Variants in ITSN2 observed in about 807,000 individuals in gnomAD.
ITSN2 encodes the protein intersectin-2.
In ITSN2, 156 loss-of-function variants were observed where a neutral mutation model predicts 243.7. The observed-to-expected ratio is 0.64, with a 90% CI of 0.56 to 0.73. The LOEUF (loss-of-function observed/expected upper bound fraction) is 0.73, where lower values mean the gene tolerates loss of function less well. Ranked by LOEUF, ITSN2 falls within the 30% of genes least tolerant of loss-of-function variation. ITSN2 has a pLI of 0.00. For synonymous variants in ITSN2, 703 were observed against 699.9 expected (o/e 1.00, Z -0.07); for missense variants, 1,801 against 1,996.1 (o/e 0.90, Z 1.86).
At chr2:24,271,618 G>T in intron 19 of ITSN2, 148 bp downstream of exon 19, 1 of 1,003,958 alleles carries the variant, frequency 1.0e-6, no homozygotes, top group Non-Finnish European at 1.3e-6. Context: ...TAAGCCTACT[G>T]CTTTTTATCC....
chr2:24,266,283 A>AT (rs1393683542), intron 20 of ITSN2, among the ~76,000 whole-genome samples: 1 of 152,072 alleles, frequency 6.6e-6, no homozygotes, highest in African/African-American at 2.4e-5. Context: ...CTCCTTATTC[A>AT]TTTTTGTATG....
intron 17 of ITSN2, among the ~76,000 whole-genome samples, chr2:24,279,726 C>CTTTTTTTTTT (rs955431908): frequency 1.3e-5 from 1 of 78,300 alleles, no homozygotes; most frequent in South Asian, 4.2e-4. Flanking sequence ...TGTGAATTTT[C>CTTTTTTTTTT]TTTTTTTTTT....
chr2:24,297,038 G>GAT (rs145569762), intron 13 of ITSN2, among the ~76,000 whole-genome samples: 6,187 of 151,596 alleles, frequency 0.041, 194 homozygotes, highest in Non-Finnish European at 0.066. Context: ...TAGTCAAGAT[G>GAT]ATATATATAT....
intron 1 of ITSN2, among the ~76,000 whole-genome samples, chr2:24,338,513 T>A (rs1332120324): frequency 6.6e-6 from 1 of 152,238 alleles, no homozygotes; most frequent in Admixed American, 6.5e-5. Context: ...AATAAATCTC[T>A]TCATATATTT....
At chr2:24,330,702 C>G (rs2151853449) in intron 1 of ITSN2, 1 of 672,040 alleles carries the variant, frequency 1.5e-6, no homozygotes, top group Admixed American at 1.9e-5. Flanking sequence ...TAACTGTGTA[C>G]TTCTGGTGAC....
At chr2:24,293,656 TA>T (rs777090788) in intron 15 of ITSN2, 31 bp downstream of exon 15, 1 of 746,632 alleles carries the variant, frequency 1.3e-6, no homozygotes, top group Non-Finnish European at 2.3e-6. Context: ...CAGAAAAGGA[TA>T]AAAGTAATCA....
At chr2:24,287,799 T>C (rs1435614401) in intron 15 of ITSN2, among the ~76,000 whole-genome samples, 2 of 152,170 alleles carry the variant, frequency 1.3e-5, no homozygotes, top group African/African-American at 4.8e-5. Context: ...TGATTAATAA[T>C]GTTGAGTCCC....
chr2:24,209,083 A>G lies in ITSN2; in HGVS notation c.4595+17T>C. On this transcript the variant is annotated intron_variant, in intron 36 of 39. Transcript: ENST00000355123. Reference sequence around the variant, plus strand: ...TCTCCCAGAGTTCAAGGCAGGCCACACATGGTCAGGACTGACCTCTCATTA... The same window carrying G: ...TCTCCCAGAGTTCAAGGCAGGCCACGCATGGTCAGGACTGACCTCTCATTA... 6.2e-7 allele frequency: 1 copy of G among 1,613,290 alleles called. No individual in the cohort carries two copies. Among genetic ancestry groups the G allele is most frequent in the Non-Finnish European group, 8.5e-7 (1 of 1,179,416 alleles).
chr2:24,350,910 T>G (rs1028051073), intron 1 of ITSN2, among the ~76,000 whole-genome samples: 1 of 152,202 alleles, frequency 6.6e-6, no homozygotes, highest in African/African-American at 2.4e-5. Flanking sequence ...GACGAAAATG[T>G]TCTAAAATTA....
intron 2 of ITSN2, among the ~76,000 whole-genome samples, chr2:24,322,536 T>C (rs550758542): frequency 3.3e-5 from 5 of 152,236 alleles, no homozygotes; most frequent in African/African-American, 9.6e-5. Flanking sequence ...GATATCCATA[T>C]GAAAAAACAA....
chr2:24,269,662 C>T (rs764976659), intron 20 of ITSN2, among the ~76,000 whole-genome samples: 1 of 152,160 alleles, frequency 6.6e-6, no homozygotes, highest in East Asian at 1.9e-4. Flanking sequence ...AGCCTACAAG[C>T]GTGTTAAGAG....
intron 3 of ITSN2, 98 bp from the exon 4 acceptor site, chr2:24,313,621 A>G: frequency 1.4e-6 from 1 of 731,518 alleles, no homozygotes; most frequent in Non-Finnish European, 2.2e-6. Context: ...GATTTATTAT[A>G]ATTTTAATAC....
At chr2:24,320,224 A>T (rs1228660558) in intron 2 of ITSN2, among the ~76,000 whole-genome samples, 3 of 152,058 alleles carry the variant, frequency 2.0e-5, no homozygotes, top group South Asian at 2.1e-4. Context: ...AAAAAAACTT[A>T]AAAAAATTAG....
At chr2:24,329,761 T>C (rs1159435677) in intron 1 of ITSN2, among the ~76,000 whole-genome samples, 3 of 152,234 alleles carry the variant, frequency 2.0e-5, no homozygotes, top group African/African-American at 7.2e-5. Context: ...AGAAAAATAT[T>C]TGCACAGCCA....
At chr2:24,316,768 C>T (rs1683978604) in intron 2 of ITSN2, among the ~76,000 whole-genome samples, 1 of 152,190 alleles carries the variant, frequency 6.6e-6, no homozygotes, top group African/African-American at 2.4e-5. Flanking sequence ...TTAATACCTC[C>T]ACCTGCAGTG....
At chr2:24,286,175 C>T in intron 16 of ITSN2, 37 bp downstream of exon 16, 1 of 1,242,286 alleles carries the variant, frequency 8.0e-7, no homozygotes, top group Non-Finnish European at 1.1e-6. Flanking sequence ...GGTAAGAAGG[C>T]AGTTACCTAA....
intron 1 of ITSN2, among the ~76,000 whole-genome samples, chr2:24,352,505 A>T (rs1053477234): frequency 6.6e-6 from 1 of 152,208 alleles, no homozygotes; most frequent in African/African-American, 2.4e-5. Context: ...GGTCCCAAAT[A>T]TACAAAGCAT....
At chr2:24,351,079 C>T (rs897681085) in intron 1 of ITSN2, among the ~76,000 whole-genome samples, 1 of 152,156 alleles carries the variant, frequency 6.6e-6, no homozygotes, top group African/African-American at 2.4e-5. Flanking sequence ...CTTCCGCCTA[C>T]CCTACCAGGT....
chr2:24,297,122 G>A (rs1681067472), intron 13 of ITSN2, among the ~76,000 whole-genome samples: 1 of 152,076 alleles, frequency 6.6e-6, no homozygotes, highest in Admixed American at 6.5e-5. Context: ...AATACTTGTG[G>A]TATGTATGTC....
Sources: gnomAD v4.1 joint callset for allele counts (sites outside exome capture counted in the v4.1 genomes callset) on GRCh38, gnomAD v4.1.1 for gene constraint, MANE v1.5 for transcripts, NCBI Gene and HGNC (gene_info 2026-07-23, HGNC 2026-07-21) for gene names.